The following KCNE1 variants were observed in gnomAD, a reference collection of about 807,000 sequenced individuals.
The protein encoded by KCNE1 is potassium voltage-gated channel subfamily E member 1.
Under a neutral mutation model 2.9 loss-of-function variants are expected in KCNE1, and 1 was observed. That is an observed-to-expected ratio of 0.34 (90% CI 0.12 to 1.62). The LOEUF is 1.62. Ranked by LOEUF, KCNE1 falls within the 40% of genes most tolerant of loss-of-function variation. The probability of loss-of-function intolerance (pLI) is 0.36; values close to 1 mark genes in which losing one functional copy is unlikely to be tolerated. For synonymous variants in KCNE1, 23 were observed against 65.4 expected (o/e 0.35, Z 3.13); for missense variants, 45 against 150.5 (o/e 0.30, Z 3.67).
chr21:34,498,609 G>A (rs564079621), intron 2 of KCNE1, among the ~76,000 whole-genome samples: 25 of 152,216 alleles, frequency 1.6e-4, no homozygotes, highest in Admixed American at 1.4e-3. Flanking sequence ...AGGTGGCCAG[G>A]GAATGAAGTA....
intron 2 of KCNE1, among the ~76,000 whole-genome samples, chr21:34,499,012 C>T (rs1027010957): frequency 6.6e-6 from 1 of 152,168 alleles, no homozygotes; most frequent in African/African-American, 2.4e-5. Flanking sequence ...AAATATCCAT[C>T]ATGTGGGGGC....
chr21:34,504,117 C>CA, intron 2 of KCNE1, among the ~76,000 whole-genome samples: 1 of 152,344 alleles, frequency 6.6e-6, no homozygotes, highest in East Asian at 1.9e-4. Flanking sequence ...CCCTAGGCCC[C>CA]ACATCAATGG....
At chr21:34,499,048 C>A (rs1012610895) in intron 2 of KCNE1, among the ~76,000 whole-genome samples, 3 of 152,216 alleles carry the variant, frequency 2.0e-5, no homozygotes, top group African/African-American at 7.2e-5. Flanking sequence ...TGGGCTCAGA[C>A]TCTCCTTGAG....
At chr21:34,508,141 C>G (rs887995360) in intron 2 of KCNE1, among the ~76,000 whole-genome samples, 1 of 151,792 alleles carries the variant, frequency 6.6e-6, no homozygotes, top group Non-Finnish European at 1.5e-5. Flanking sequence ...ATTCTCCCAC[C>G]TCAGCCTCCA....
chr21:34,503,338 T>C (rs1026174815), intron 2 of KCNE1, among the ~76,000 whole-genome samples: 1 of 152,134 alleles, frequency 6.6e-6, no homozygotes, highest in Non-Finnish European at 1.5e-5. Flanking sequence ...GGATGAGGTA[T>C]GTGGGAAGGG....
At chr21:34,511,404 G>A (rs888562555) in intron 1 of KCNE1, 89 bp from the exon 2 acceptor site, 14 of 522,526 alleles carry the variant, frequency 2.7e-5, no homozygotes, top group Admixed American at 6.4e-5. Flanking sequence ...TTAGTCATGA[G>A]GGCTCCACCC....
At chr21:34,496,159 C>G (rs1264220137) in intron 2 of KCNE1, among the ~76,000 whole-genome samples, 1 of 152,018 alleles carries the variant, frequency 6.6e-6, no homozygotes, top group Non-Finnish European at 1.5e-5. Context: ...GTGCAAGCTC[C>G]GCCTCCCAGG....
chr21:34,504,150 G>A (rs999338160), intron 2 of KCNE1, among the ~76,000 whole-genome samples: 4 of 152,216 alleles, frequency 2.6e-5, no homozygotes, highest in African/African-American at 9.6e-5. Flanking sequence ...CGGAGGAAAG[G>A]ACAACCACTC....
At position 34,509,372 on chromosome 21, in the gene KCNE1, C is replaced by T. The variant is rs547787665; in HGVS notation, c.-162+1729G>A. 3.3e-5 allele frequency: 5 copies of T among 152,392 alleles called. No individual in the cohort carries two copies. The South Asian group carries it at 8.3e-4, about 25-fold the overall frequency. The allele number at this position is 152,392 out of a possible 1,614,324, so 9.4% of individuals were successfully genotyped here. On this transcript the variant is annotated intron_variant, in intron 2 of 3. Coordinates refer to ENST00000399286, the MANE Select transcript of KCNE1 (RefSeq NM_000219.6). ...GTGGCAGCTCCAGGCCAGCAGGGGA[C>T]ACCACTGCTCCCTCCAGTGTCCTCT...
chr21:34,504,816 T>C (rs1294140188), intron 2 of KCNE1, among the ~76,000 whole-genome samples: 1 of 152,194 alleles, frequency 6.6e-6, no homozygotes, highest in East Asian at 1.9e-4. Flanking sequence ...TCCTGTTATG[T>C]GATTCATTCA....
At chr21:34,450,006 C>T (rs1480456435) in intron 3 of KCNE1, among the ~76,000 whole-genome samples, 1 of 91,066 alleles carries the variant, frequency 1.1e-5, no homozygotes, top group Non-Finnish European at 2.5e-5. Context: ...TAAATGGTAT[C>T]AGGTCATCCA....
At position 34,511,096 on chromosome 21, in the gene KCNE1, C is replaced by T; in HGVS notation, c.-162+5G>A. 4.1e-6 allele frequency: 4 copies of T among 978,492 alleles called. No homozygotes were observed. Among genetic ancestry groups the T allele is most frequent in the Non-Finnish European group, 4.9e-6 (4 of 823,592 alleles). The allele number at this position is 978,492 out of a possible 1,614,324, so 60.6% of individuals were successfully genotyped here. On this transcript the variant is annotated splice_donor_5th_base_variant and intron_variant, in intron 2 of 3. Coordinates refer to ENST00000399286, the MANE Select transcript of KCNE1 (RefSeq NM_000219.6). ...GAAAGGGTCTGTGCAACCCCCTTCT[C>T]CTACCAGTTCTCGTTTCTGAAGTCT...
At chr21:34,495,486 G>T (rs370850658) in intron 2 of KCNE1, among the ~76,000 whole-genome samples, 1 of 64,324 alleles carries the variant, frequency 1.6e-5, no homozygotes, top group Admixed American at 1.9e-4. Flanking sequence ...ATAGAATTTA[G>T]CTGTGAATCC....
intron 2 of KCNE1, among the ~76,000 whole-genome samples, chr21:34,496,802 CT>C (rs1480357793): frequency 6.6e-6 from 1 of 152,084 alleles, no homozygotes; most frequent in African/African-American, 2.4e-5. Context: ...TATCTAATTT[CT>C]TAGGTCTGGT....
chr21:34,501,162 G>T (rs920724576), intron 2 of KCNE1, among the ~76,000 whole-genome samples: 3 of 152,208 alleles, frequency 2.0e-5, no homozygotes, highest in Admixed American at 6.5e-5. Context: ...GCATAAAAGA[G>T]CTGACCATTG....
intron 2 of KCNE1, among the ~76,000 whole-genome samples, chr21:34,509,239 T>C (rs1389301403): frequency 1.3e-5 from 2 of 152,224 alleles, no homozygotes; most frequent in African/African-American, 4.8e-5. Flanking sequence ...TTCCTTGTGG[T>C]TGGAGGACGG....
At chr21:34,505,266 T>C (rs1353452749) in intron 2 of KCNE1, among the ~76,000 whole-genome samples, 1 of 152,150 alleles carries the variant, frequency 6.6e-6, no homozygotes, top group Non-Finnish European at 1.5e-5. Context: ...CCCAAGTAGC[T>C]GGGATTACAG....
chr21:34,503,863 C>T (rs781737247), intron 2 of KCNE1, among the ~76,000 whole-genome samples: 4 of 152,146 alleles, frequency 2.6e-5, no homozygotes, highest in Non-Finnish European at 5.9e-5. Flanking sequence ...TCAACATATG[C>T]CACCAAACCC....
At chr21:34,450,070 C>T (rs55857049) in intron 3 of KCNE1, among the ~76,000 whole-genome samples, 52 of 93,134 alleles carry the variant, frequency 5.6e-4, no homozygotes, top group East Asian at 1.2e-3. Flanking sequence ...GGCTCACTTG[C>T]GGTGCTGGGT....
Sources: allele counts gnomAD v4.1 joint callset (sites outside exome capture counted in the v4.1 genomes callset), GRCh38; gene constraint gnomAD v4.1.1; transcripts MANE v1.5; gene names NCBI Gene and HGNC (gene_info 2026-07-23, HGNC 2026-07-21).